The following RHBDL2 variants were observed in gnomAD, a reference collection of about 807,000 sequenced individuals.
The protein encoded by RHBDL2 is rhomboid-related protein 2.
RHBDL2 carries 26 observed loss-of-function variants against 31.7 expected under a neutral mutation model. The ratio of observed to expected loss-of-function variants is 0.82; its 90% CI spans 0.60 to 1.14. RHBDL2 has a LOEUF of 1.14. Ranked by LOEUF, RHBDL2 falls within the 50% of genes most tolerant of loss-of-function variation. The probability of loss-of-function intolerance (pLI) is 0.00; values close to 1 mark genes in which losing one functional copy is unlikely to be tolerated. For missense variants in RHBDL2, 336 were observed against 364.4 expected (o/e 0.92, Z 0.63); for synonymous variants, 123 against 127.2 (o/e 0.97, Z 0.22).
chr1:38,896,471 T>C (rs77651252), intron 4 of RHBDL2, among the ~76,000 whole-genome samples: 8,372 of 152,296 alleles, frequency 0.055, 267 homozygotes, highest in Non-Finnish European at 0.062. Flanking sequence ...TACTGCTTGA[T>C]GTGTATTATA....
At chr1:38,897,517 C>T (rs982002519) in intron 4 of RHBDL2, among the ~76,000 whole-genome samples, 1 of 151,922 alleles carries the variant, frequency 6.6e-6, no homozygotes, top group African/African-American at 2.4e-5. Context: ...AGTCTGAGAC[C>T]AACCCGGGCC....
chr1:38,917,386 TA>T (rs2124335762), intron 2 of RHBDL2, among the ~76,000 whole-genome samples: 1 of 152,332 alleles, frequency 6.6e-6, no homozygotes, highest in Non-Finnish European at 1.5e-5. Flanking sequence ...TTAAAATTTT[TA>T]ATTTAAAAAT....
intron 6 of RHBDL2, among the ~76,000 whole-genome samples, chr1:38,890,331 T>A (rs956194709): frequency 6.6e-6 from 1 of 152,168 alleles, no homozygotes; most frequent in African/African-American, 2.4e-5. Flanking sequence ...ATATTTTCAA[T>A]CATCATTTGC....
Position 38,887,971 on chromosome 1 carries a change from C to G in RHBDL2, c.724G>C (p.Gly242Arg). The G allele has an allele frequency of 6.2e-7, 1 of 1,608,826 alleles. No individual in the cohort carries two copies. The highest frequency in any genetic ancestry group is 8.5e-7 in the Non-Finnish European group (1 of 1,175,428). The change falls in exon 7 of 8, where the codon GGG becomes CGG. Residue 242 changes from glycine (G) to arginine (R), a missense_variant. Transcript: ENST00000372990. The stretch of plus-strand genomic sequence containing the variant: ...AAAGAAACTGAACTCACCGGAGACC[C>G]ATCTTCAGGAACAAAGAACCTTCTA... ...LYRRFFVPED[G>R]SPVSFAAHIA...
intron 1 of RHBDL2, among the ~76,000 whole-genome samples, chr1:38,938,370 G>A (rs1156664606): frequency 1.3e-5 from 2 of 152,052 alleles, no homozygotes; most frequent in South Asian, 2.1e-4. Context: ...ATTCCTTAAC[G>A]AGGCACAGAA....
intron 1 of RHBDL2, among the ~76,000 whole-genome samples, chr1:38,921,806 T>C (rs1276393753): frequency 6.6e-6 from 1 of 152,174 alleles, no homozygotes; most frequent in Non-Finnish European, 1.5e-5. Flanking sequence ...TTTTGCCACG[T>C]CTCATAATTG....
At chr1:38,940,585 C>T (rs1643550165) in intron 1 of RHBDL2, among the ~76,000 whole-genome samples, 2 of 152,046 alleles carry the variant, frequency 1.3e-5, no homozygotes, top group South Asian at 4.1e-4. Context: ...GGTTGTCTAG[C>T]ATATCTTTAC....
chr1:38,915,573 C>G lies in RHBDL2; in HGVS notation c.384G>C (p.Leu128=). The G allele has an allele frequency of 6.2e-7, 1 of 1,614,082 alleles. No individual in the cohort carries two copies. ...CTATCATTGCTTACCCAGCATGTAC[C>G]AGCATGTATGAGATAAACCTCCAGG... ...EEAWRFISYM[L]VHAGVQHILG... is the part of the protein sequence containing the mutation. The change falls in exon 3 of 8, where the codon CTG becomes CTC. Residue 128 remains leucine (L), a synonymous_variant. Transcript: ENST00000372990.
chr1:38,887,287 C>G (rs138845609), intron 7 of RHBDL2, among the ~76,000 whole-genome samples: 62 of 152,306 alleles, frequency 4.1e-4, no homozygotes, highest in African/African-American at 1.4e-3. Context: ...ATGATCACAG[C>G]TCACTGTAGA....
intron 4 of RHBDL2, among the ~76,000 whole-genome samples, chr1:38,908,197 AGCC>A (rs1643092828): frequency 1.3e-5 from 2 of 151,022 alleles, no homozygotes; most frequent in African/African-American, 4.9e-5. Flanking sequence ...CAACATCATT[AGCC>A]ATTAGGGAAA....
chr1:38,934,532 C>T (rs1394163904), intron 1 of RHBDL2, among the ~76,000 whole-genome samples: 2 of 149,936 alleles, frequency 1.3e-5, no homozygotes, highest in East Asian at 2.0e-4. Context: ...TGATGGGCAC[C>T]TGTAATCCCA....
At chr1:38,907,010 T>C (rs1643075080) in intron 4 of RHBDL2, among the ~76,000 whole-genome samples, 1 of 152,198 alleles carries the variant, frequency 6.6e-6, no homozygotes, top group African/African-American at 2.4e-5. Context: ...AAACTTATTA[T>C]ATAGCTACAG....
At chr1:38,904,717 A>G (rs1037449436) in intron 4 of RHBDL2, among the ~76,000 whole-genome samples, 2 of 149,008 alleles carry the variant, frequency 1.3e-5, no homozygotes, top group African/African-American at 2.4e-5. Context: ...TGTGTACTAT[A>G]TATATAGTAA....
At chr1:38,904,180 T>A (rs974717776) in intron 4 of RHBDL2, among the ~76,000 whole-genome samples, 14 of 152,238 alleles carry the variant, frequency 9.2e-5, no homozygotes, top group Admixed American at 8.5e-4. Context: ...GTAAAAATTA[T>A]TTTATACAGG....
intron 1 of RHBDL2, among the ~76,000 whole-genome samples, chr1:38,932,130 A>G (rs1643445371): frequency 6.6e-6 from 1 of 152,148 alleles, no homozygotes; most frequent in Non-Finnish European, 1.5e-5. Flanking sequence ...CCACCATTCT[A>G]TGAGAAAGCC....
chr1:38,924,701 G>A (rs1056712227), intron 1 of RHBDL2, among the ~76,000 whole-genome samples: 1 of 151,020 alleles, frequency 6.6e-6, no homozygotes, highest in African/African-American at 2.4e-5. Flanking sequence ...CCAAAGACTT[G>A]AAAGGGCAGG....
chr1:38,928,141 C>CTTTTTTT (rs1209464598), intron 1 of RHBDL2, among the ~76,000 whole-genome samples: 2 of 130,384 alleles, frequency 1.5e-5, no homozygotes, highest in African/African-American at 3.0e-5. Context: ...TTTTTTCTTT[C>CTTTTTTT]TTTTTTTTTT....
intron 7 of RHBDL2, among the ~76,000 whole-genome samples, chr1:38,887,753 A>G (rs1026126916): frequency 3.3e-5 from 5 of 152,148 alleles, no homozygotes; most frequent in Non-Finnish European, 5.9e-5. Context: ...AGCTACCAAT[A>G]TGGCAGGTGC....
At chr1:38,898,809 C>G (rs940541789) in intron 4 of RHBDL2, among the ~76,000 whole-genome samples, 1 of 152,128 alleles carries the variant, frequency 6.6e-6, no homozygotes, top group African/African-American at 2.4e-5. Flanking sequence ...ATTACCCAAG[C>G]CAAGGAAAGA....
Sources: allele counts gnomAD v4.1 joint callset (sites outside exome capture counted in the v4.1 genomes callset), GRCh38; gene constraint gnomAD v4.1.1; transcripts MANE v1.5; gene names NCBI Gene and HGNC (gene_info 2026-07-23, HGNC 2026-07-21).